The following ARHGEF38 variants were observed in gnomAD, a reference collection of about 807,000 sequenced individuals.
ARHGEF38 encodes the protein Rho guanine nucleotide exchange factor (GEF) 38.
In ARHGEF38, 79 loss-of-function variants were observed where a neutral mutation model predicts 79.9. The observed-to-expected ratio is 0.99, with a 90% CI of 0.82 to 1.19. ARHGEF38 has a LOEUF of 1.19. Among genes scored for constraint, ARHGEF38 ranks in the 50% most tolerant of loss-of-function variants. The pLI is 0.00. For missense variants in ARHGEF38, 962 were observed against 907.2 expected (o/e 1.06, Z -0.78); for synonymous variants, 366 against 328.3 (o/e 1.11, Z -1.24).
Position 105,639,130 on chromosome 4 carries a change from A to T in ARHGEF38, c.674+2710A>T, listed in dbSNP as rs1729517774. On this transcript the variant is annotated intron_variant, in intron 5 of 13. Coordinates refer to ENST00000420470, the MANE Select transcript of ARHGEF38 (RefSeq NM_001242729.2). ...CTTGTAATGTATAGGCCCAAATAGT[A>T]TCCTGTTATTTTAATTTGCATTTTT... 2.0e-5 allele frequency among the ~76,000 whole-genome samples: 3 copies of T among 152,092 alleles called. No homozygotes were observed. In the South Asian group the frequency reaches 6.2e-4, roughly 32 times the overall value.
intron 1 of ARHGEF38, among the ~76,000 whole-genome samples, chr4:105,557,531 A>C (rs999371397): frequency 6.7e-6 from 1 of 150,116 alleles, no homozygotes; most frequent in Non-Finnish European, 1.5e-5. Context: ...CAGTATTAGG[A>C]GGTGGGGTCT....
In ARHGEF38 at chr4:105,677,746, G is replaced by T. The variant is rs200405343; in HGVS notation, c.2149-6G>T. ...TTCCAATAATGTCTTTTGTTTCTTT[G>T]TCTAGATTTTCTATGCAGTTCATGC... On this transcript the variant is annotated splice_region_variant and splice_polypyrimidine_tract_variant and intron_variant, in intron 13 of 13. Transcript: ENST00000420470. The T allele has an allele frequency of 2.1e-6, 3 of 1,425,150 alleles. No homozygotes were observed. The highest frequency in any genetic ancestry group is 1.8e-6 in the Non-Finnish European group (2 of 1,081,206). The allele number at this position is 1,425,150 out of a possible 1,614,324, so 88.3% of individuals were successfully genotyped here.
intron 1 of ARHGEF38, among the ~76,000 whole-genome samples, chr4:105,583,627 A>G (rs1726899398): frequency 6.6e-6 from 1 of 152,114 alleles, no homozygotes; most frequent in Admixed American, 6.5e-5. Context: ...TATATCACTT[A>G]TCACCTTTTA....
intron 4 of ARHGEF38, among the ~76,000 whole-genome samples, chr4:105,635,305 A>G (rs1390088636): frequency 1.3e-5 from 2 of 152,144 alleles, no homozygotes; most frequent in East Asian, 1.9e-4. Flanking sequence ...GTTATAATAT[A>G]GTGCCACTAC....
intron 1 of ARHGEF38, among the ~76,000 whole-genome samples, chr4:105,573,120 C>T (rs932462290): frequency 2.0e-5 from 3 of 152,070 alleles, no homozygotes; most frequent in Non-Finnish European, 4.4e-5. Context: ...AGTTTTGGAG[C>T]TCTTTCTACA....
At chr4:105,587,374 G>A (rs1173775184) in intron 1 of ARHGEF38, among the ~76,000 whole-genome samples, 6 of 152,142 alleles carry the variant, frequency 3.9e-5, no homozygotes, top group Non-Finnish European at 8.8e-5. Flanking sequence ...GATCAGGATT[G>A]GAGGGCTACA....
chr4:105,586,031 C>T (rs543254860), intron 1 of ARHGEF38, among the ~76,000 whole-genome samples: 1 of 151,986 alleles, frequency 6.6e-6, no homozygotes, highest in South Asian at 2.1e-4. Context: ...GCGCCAGGCC[C>T]CCTCGGTTGC....
At chr4:105,644,954 G>T (rs902656712) in intron 5 of ARHGEF38, among the ~76,000 whole-genome samples, 1 of 152,120 alleles carries the variant, frequency 6.6e-6, no homozygotes, top group Non-Finnish European at 1.5e-5. Context: ...ATCATGCTTT[G>T]AGACAATTTG....
At chr4:105,581,109 G>T (rs1365864499) in intron 1 of ARHGEF38, among the ~76,000 whole-genome samples, 1 of 152,112 alleles carries the variant, frequency 6.6e-6, no homozygotes, top group Non-Finnish European at 1.5e-5. Context: ...TGGAGGCCAA[G>T]AACAAGTCCC....
chr4:105,558,075 A>C (rs145177246), intron 1 of ARHGEF38, among the ~76,000 whole-genome samples: 174 of 152,302 alleles, frequency 1.1e-3, no homozygotes, highest in African/African-American at 4.0e-3. Flanking sequence ...TCTAATTAAG[A>C]AAGGTTATCT....
At chr4:105,610,439 T>A (rs1436714853) in intron 2 of ARHGEF38, among the ~76,000 whole-genome samples, 3 of 152,070 alleles carry the variant, frequency 2.0e-5, no homozygotes, top group Non-Finnish European at 2.9e-5. Flanking sequence ...TGTCTTTTTT[T>A]AAAAAAATGA....
In ARHGEF38 at chr4:105,667,674, G is replaced by T; in HGVS notation, c.2119G>T (p.Val707Phe). ...AAAGTTTGAAACAAATGGTACTGAT[G>T]TTGACAGTTTTCAAGAAGTAGACGA... ...CGKFETNGTD[V>F]DSFQEVDEQI... Residue 707 changes from valine (V) to phenylalanine (F), a missense_variant, in exon 13 of 14, where the codon GTT (valine) becomes TTT (phenylalanine). By Grantham distance (50) the Val-to-Phe change is conservative (BLOSUM62 -1). Coordinates refer to ENST00000420470, the MANE Select transcript of ARHGEF38 (RefSeq NM_001242729.2). 1 of 1,536,256 alleles carries T rather than the reference G, an allele frequency of 6.5e-7. No individual in the cohort carries two copies. The highest frequency in any genetic ancestry group is 8.7e-7 in the Non-Finnish European group (1 of 1,146,954).
At chr4:105,584,934 C>T (rs1335503294) in intron 1 of ARHGEF38, among the ~76,000 whole-genome samples, 1 of 152,144 alleles carries the variant, frequency 6.6e-6, no homozygotes, top group African/African-American at 2.4e-5. Context: ...GAGGTTCTCC[C>T]CACGCATATA....
Position 105,583,386 on chromosome 4 carries a change from C to T in ARHGEF38, c.197-5862C>T, listed in dbSNP as rs570202931. ...ACCAAATCTCTTATCCTCTCCCCAG[C>T]GTCCTCCTACCTGGCCACACATTGC... On this transcript the variant is annotated intron_variant, in intron 1 of 13. Transcript: ENST00000420470. 1.4e-3 allele frequency among the ~76,000 whole-genome samples: 207 copies of T among 152,290 alleles called. 2 individuals are homozygous for T. Among genetic ancestry groups the T allele is most frequent in the African/African-American group, 4.8e-3 (200 of 41,566 alleles).
chr4:105,579,198 T>C (rs778085187), intron 1 of ARHGEF38, among the ~76,000 whole-genome samples: 6 of 152,196 alleles, frequency 3.9e-5, no homozygotes, highest in Admixed American at 2.0e-4. Flanking sequence ...ACAGGAATAC[T>C]TTCACTATTT....
intron 4 of ARHGEF38, among the ~76,000 whole-genome samples, chr4:105,634,558 G>T (rs762019477): frequency 6.6e-6 from 1 of 152,138 alleles, no homozygotes; most frequent in African/African-American, 2.4e-5. Flanking sequence ...GAATGTGAAA[G>T]ATAGCGTGGC....
chr4:105,561,630 C>T (rs749049710), intron 1 of ARHGEF38: 5 of 152,018 alleles, frequency 3.3e-5, no homozygotes, highest in Non-Finnish European at 7.4e-5. Flanking sequence ...CCTGACCATC[C>T]GACCTAAAGT....
At chr4:105,631,456 C>T (rs1271096250) in intron 4 of ARHGEF38, 6 of 985,930 alleles carry the variant, frequency 6.1e-6, no homozygotes, top group South Asian at 9.4e-5. Context: ...TCTGCATGGC[C>T]GTCTTCTTTC....
At chr4:105,555,400 G>A (rs1047718699) in intron 1 of ARHGEF38, among the ~76,000 whole-genome samples, 1 of 152,136 alleles carries the variant, frequency 6.6e-6, no homozygotes, top group African/African-American at 2.4e-5. Context: ...ACAAGGGAAG[G>A]CATTTTCTCA....
Sources: gnomAD v4.1 joint callset for allele counts (sites outside exome capture counted in the v4.1 genomes callset) on GRCh38, gnomAD v4.1.1 for gene constraint, MANE v1.5 for transcripts, NCBI Gene and HGNC (gene_info 2026-07-23, HGNC 2026-07-21) for gene names.